The following CAMK4 variants were observed in gnomAD, a reference collection of about 807,000 sequenced individuals.
CAMK4 encodes calcium/calmodulin-dependent protein kinase type IV.
A neutral mutation model predicts 44.9 loss-of-function variants in CAMK4; 22 were observed. The ratio of observed to expected loss-of-function variants is 0.49; its 90% CI spans 0.35 to 0.70. The LOEUF (loss-of-function observed/expected upper bound fraction) is 0.70, where lower values mean the gene tolerates loss of function less well. Among genes scored for constraint, CAMK4 ranks in the 30% least tolerant of loss-of-function variants. The pLI is 0.01. For missense variants in CAMK4, 498 were observed against 586.8 expected (o/e 0.85, Z 1.56); for synonymous variants, 218 against 215.4 (o/e 1.01, Z -0.11).
At chr5:111,230,344 G>A (rs1251602406) in intron 1 of CAMK4, among the ~76,000 whole-genome samples, 13 of 152,262 alleles carry the variant, frequency 8.5e-5, no homozygotes, top group South Asian at 8.3e-4. Flanking sequence ...AGGTGTATCA[G>A]AATTAGGAGT....
rs73789614 is a variant in CAMK4 at position 111,473,956 on chromosome 5, T to C, written c.701+570T>C. On this transcript the variant is annotated intron_variant, in intron 8 of 10. Coordinates refer to ENST00000282356, the MANE Select transcript of CAMK4 (RefSeq NM_001744.6). Reference sequence around the variant, plus strand: ...TATTTTAATCCCTGGTATCCCCACATCCATTCCTGAGCTCCTGTCTAATAA... The same window carrying C: ...TATTTTAATCCCTGGTATCCCCACACCCATTCCTGAGCTCCTGTCTAATAA... Among the ~76,000 whole-genome samples, 1,023 of 152,242 alleles carry C rather than the reference T, an allele frequency of 6.7e-3. 8 individuals carry two copies. Among genetic ancestry groups the C allele is most frequent in the African/African-American group, 0.023 (960 of 41,534 alleles).
intron 1 of CAMK4, among the ~76,000 whole-genome samples, chr5:111,319,828 TG>T (rs1259543569): frequency 6.6e-6 from 1 of 151,094 alleles, no homozygotes; most frequent in Non-Finnish European, 1.5e-5. Flanking sequence ...CTATTGTTAA[TG>T]TTGACATCCA....
intron 5 of CAMK4, among the ~76,000 whole-genome samples, chr5:111,432,624 A>G (rs570738988): frequency 3.4e-4 from 48 of 141,838 alleles, no homozygotes; most frequent in African/African-American, 4.4e-4. Flanking sequence ...ATGTGTGTGT[A>G]TATATATATA....
At chr5:111,460,986 G>C (rs1754624151) in intron 7 of CAMK4, among the ~76,000 whole-genome samples, 1 of 152,096 alleles carries the variant, frequency 6.6e-6, no homozygotes, top group South Asian at 2.1e-4. Context: ...TTTATACAAA[G>C]AGAAAATCAT....
At chr5:111,434,836 A>G (rs183296541) in intron 5 of CAMK4, among the ~76,000 whole-genome samples, 1 of 152,338 alleles carries the variant, frequency 6.6e-6, no homozygotes, top group African/African-American at 2.4e-5. Flanking sequence ...CTTTCCATCA[A>G]GAAAACTGTG....
At chr5:111,377,687 C>G (rs560910800) in intron 4 of CAMK4, among the ~76,000 whole-genome samples, 3 of 152,062 alleles carry the variant, frequency 2.0e-5, no homozygotes, top group East Asian at 3.9e-4. Flanking sequence ...CTGTGTTCAT[C>G]AGGTAATCAA....
intron 5 of CAMK4, among the ~76,000 whole-genome samples, chr5:111,438,647 A>G (rs1164075070): frequency 6.6e-6 from 1 of 152,232 alleles, no homozygotes; most frequent in Non-Finnish European, 1.5e-5. Context: ...AATGTGCTCA[A>G]AGAGTTTACA....
chr5:111,450,796 A>G (rs1363648142), intron 7 of CAMK4, among the ~76,000 whole-genome samples: 1 of 151,192 alleles, frequency 6.6e-6, no homozygotes, highest in Non-Finnish European at 1.5e-5. Context: ...CTCAAAAATA[A>G]AAGGAAAAAT....
chr5:111,460,537 C>T (rs1470324328), intron 7 of CAMK4, among the ~76,000 whole-genome samples: 1 of 152,112 alleles, frequency 6.6e-6, no homozygotes, highest in East Asian at 1.9e-4. Flanking sequence ...ATATTTTTCA[C>T]ACTTAACACG....
At chr5:111,250,842 C>T (rs373502187) in intron 1 of CAMK4, among the ~76,000 whole-genome samples, 6 of 152,248 alleles carry the variant, frequency 3.9e-5, no homozygotes, top group African/African-American at 1.4e-4. Flanking sequence ...TGGAATCTCC[C>T]TGTGTTGCCA....
chr5:111,339,861 G>A (rs1330014196), intron 1 of CAMK4, among the ~76,000 whole-genome samples: 1 of 151,110 alleles, frequency 6.6e-6, no homozygotes, highest in African/African-American at 2.4e-5. Flanking sequence ...CATGAACACA[G>A]GATATCTTTT....
chr5:111,445,279 G>T (rs1207935082), intron 5 of CAMK4, among the ~76,000 whole-genome samples: 1 of 151,992 alleles, frequency 6.6e-6, no homozygotes, highest in African/African-American at 2.4e-5. Context: ...TGATACGAAG[G>T]TAAGCCTTCA....
At chr5:111,251,893 A>C (rs903629199) in intron 1 of CAMK4, among the ~76,000 whole-genome samples, 1 of 142,630 alleles carries the variant, frequency 7.0e-6, no homozygotes. Context: ...GGGTTCACTG[A>C]CTTTTTTTTT....
intron 1 of CAMK4, among the ~76,000 whole-genome samples, chr5:111,242,044 A>C (rs1168233561): frequency 6.6e-6 from 1 of 152,222 alleles, no homozygotes; most frequent in Non-Finnish European, 1.5e-5. Context: ...CACGCAGGCA[A>C]CTTTGACACA....
chr5:111,344,837 C>A (rs925699837), intron 2 of CAMK4, among the ~76,000 whole-genome samples: 1 of 151,612 alleles, frequency 6.6e-6, no homozygotes, highest in African/African-American at 2.4e-5. Flanking sequence ...CTGTCTATAC[C>A]CCCAGAGAGT....
rs3066636 is a variant in CAMK4 at position 111,317,898 on chromosome 5, T to TAAAAAAAAAAA, written c.162-26106_162-26096dup. ...ATCCTAAAGCCGGTGGAGTAATATG[T>TAAAAAAAAAAA]AAAAAAAAAAAAAAAAAAAAAAAAA... On this transcript the variant is annotated intron_variant, in intron 1 of 10. Transcript: ENST00000282356. 5.9e-4 allele frequency among the ~76,000 whole-genome samples: 41 copies of TAAAAAAAAAAA among 69,824 alleles called. 1 individual carries two copies. Among genetic ancestry groups the TAAAAAAAAAAA allele is most frequent in the Middle Eastern group, 0.013 (1 of 76 alleles). The allele number at this position is 69,824 out of a possible 152,430, so 45.8% of individuals were successfully genotyped here.
intron 1 of CAMK4, among the ~76,000 whole-genome samples, chr5:111,336,834 T>TA (rs1749426030): frequency 6.6e-6 from 1 of 151,112 alleles, no homozygotes. Flanking sequence ...TTTCTTTTTT[T>TA]TAAAATTTCA....
At chr5:111,347,149 G>A (rs1749905933) in intron 2 of CAMK4, among the ~76,000 whole-genome samples, 1 of 151,996 alleles carries the variant, frequency 6.6e-6, no homozygotes, top group Admixed American at 6.6e-5. Context: ...GCAATGTTTT[G>A]TCTAAAAACT....
At chr5:111,232,486 T>A (rs1482653641) in intron 1 of CAMK4, among the ~76,000 whole-genome samples, 1 of 152,104 alleles carries the variant, frequency 6.6e-6, no homozygotes, top group Non-Finnish European at 1.5e-5. Context: ...GGATATACAT[T>A]TTTGTTTTGC....
Sources: allele counts gnomAD v4.1 joint callset (sites outside exome capture counted in the v4.1 genomes callset), GRCh38; gene constraint gnomAD v4.1.1; transcripts MANE v1.5; gene names NCBI Gene and HGNC (gene_info 2026-07-23, HGNC 2026-07-21).